The following LONRF1 variants were observed in gnomAD, a reference collection of about 807,000 sequenced individuals.
The protein encoded by LONRF1 is LON peptidase N-terminal domain and ring finger 1.
In LONRF1, 37 loss-of-function variants were observed where a neutral mutation model predicts 85.8. That is an observed-to-expected ratio of 0.43 (90% confidence interval 0.33 to 0.57). LONRF1 has a LOEUF of 0.57. LONRF1 is among the 20% of genes least tolerant of loss of function. The pLI is 0.04. For missense variants in LONRF1, 1,036 were observed against 978.0 expected, an observed-to-expected ratio of 1.06 and a Z score of -0.79; for synonymous variants, 517 against 390.1, an observed-to-expected ratio of 1.33 and a Z score of -3.83.
chr8:12,743,772 G>A (rs1799034956), intron 1 of LONRF1, among the ~76,000 whole-genome samples: 1 of 152,154 alleles, frequency 6.6e-6, no homozygotes, highest in Admixed American at 6.5e-5. Context: ...AGCATACACA[G>A]TAGTCTTGAT....
At chr8:12,729,858 A>G (rs1302253370) in intron 8 of LONRF1, among the ~76,000 whole-genome samples, 1 of 152,200 alleles carries the variant, frequency 6.6e-6, no homozygotes, top group Non-Finnish European at 1.5e-5. Flanking sequence ...TTAAAATGAT[A>G]TAACATTTTT....
intron 1 of LONRF1, among the ~76,000 whole-genome samples, chr8:12,747,653 G>A (rs890034422): frequency 1.3e-5 from 2 of 152,114 alleles, no homozygotes; most frequent in Admixed American, 1.3e-4. Flanking sequence ...AGAAATAAGG[G>A]ACAAAAAGTA....
At chr8:12,726,270 A>G (rs1253551641) in intron 10 of LONRF1, among the ~76,000 whole-genome samples, 1 of 152,224 alleles carries the variant, frequency 6.6e-6, no homozygotes, top group Non-Finnish European at 1.5e-5. Flanking sequence ...TAGTTGCTAC[A>G]AAAAAAGAAA....
chr8:12,728,499 G>T (rs1056245615), intron 10 of LONRF1, among the ~76,000 whole-genome samples: 1 of 152,128 alleles, frequency 6.6e-6, no homozygotes, highest in South Asian at 2.1e-4. Flanking sequence ...AATTCCATCG[G>T]CTTCAACTAC....
chr8:12,753,918 G>A (rs991570110), intron 1 of LONRF1: 2 of 152,278 alleles, frequency 1.3e-5, no homozygotes, highest in African/African-American at 2.4e-5. Flanking sequence ...TTTACCATAA[G>A]CTAGGTGCAC....
chr8:12,752,211 C>T (rs1483655591), intron 1 of LONRF1, among the ~76,000 whole-genome samples: 2 of 152,070 alleles, frequency 1.3e-5, no homozygotes, highest in East Asian at 1.9e-4. Flanking sequence ...TAACTACAAC[C>T]GTACAGTTAT....
chr8:12,748,631 A>G lies in LONRF1; in HGVS notation c.722-5349T>C, dbSNP rs537859274. ...TACATAAATTAAAAATAGCATCGTAATTTTAACAACCTCCATTTCTTCATT... is the reference window on the plus strand; with the variant it reads ...TACATAAATTAAAAATAGCATCGTAGTTTTAACAACCTCCATTTCTTCATT... On this transcript the variant is annotated intron_variant, in intron 1 of 11. Transcript: ENST00000398246. Among the ~76,000 whole-genome samples, 17 of 152,288 alleles carry G rather than the reference A, an allele frequency of 1.1e-4. No individual in the cohort carries two copies. The South Asian group carries it at 3.3e-3, about 30-fold the overall frequency.
chr8:12,748,640 A>G (rs181096806), intron 1 of LONRF1, among the ~76,000 whole-genome samples: 1 of 152,124 alleles, frequency 6.6e-6, no homozygotes, highest in East Asian at 1.9e-4. Flanking sequence ...AATTTTAACA[A>G]CCTCCATTTC....
chr8:12,723,352 C>A, intron 11 of LONRF1, 98 bp from the exon 12 acceptor site: 1 of 1,125,184 alleles, frequency 8.9e-7, no homozygotes, highest in Non-Finnish European at 1.3e-6. Context: ...AGCACTTGTA[C>A]TATGTGCCAG....
chr8:12,755,047 C>A lies in LONRF1; in HGVS notation c.374G>T (p.Gly125Val). The A allele has an allele frequency of 6.7e-7, 1 of 1,487,332 alleles. No individual in the cohort carries two copies. The highest frequency in any genetic ancestry group is 8.9e-7 in the Non-Finnish European group (1 of 1,125,276). The allele number at this position is 1,487,332 out of a possible 1,614,324, so 92.1% of individuals were successfully genotyped here. Reference sequence around the variant, plus strand: ...CGGCTCGCTCAGGAAGCCCCGGCAGCCCAGGCATCTGAGGAGCCCGCCGGC... The same window carrying A: ...CGGCTCGCTCAGGAAGCCCCGGCAGACCAGGCATCTGAGGAGCCCGCCGGC... ...GGAGGLLRCL[G>V]CRGFLSEPVT... Residue 125 changes from glycine (G) to valine (V), a missense_variant, in exon 1 of 12, where the codon GGC (glycine) becomes GTC (valine). Coordinates refer to ENST00000398246, the MANE Select transcript of LONRF1 (RefSeq NM_152271.5).
rs919799280 is a variant in LONRF1 at position 12,734,375 on chromosome 8, T to C, written c.1566+911A>G. 3.3e-5 allele frequency among the ~76,000 whole-genome samples: 5 copies of C among 152,308 alleles called. No homozygotes were observed. In the South Asian group the frequency reaches 1.0e-3, roughly 32 times the overall value. On this transcript the variant is annotated intron_variant, in intron 7 of 11. Transcript: ENST00000398246. ...GGAAATACTGTATGTATATTCATAATGGTTTTATGAATTTTTCAATTCATA... is the reference window on the plus strand; with the variant it reads ...GGAAATACTGTATGTATATTCATAACGGTTTTATGAATTTTTCAATTCATA...
chr8:12,723,380 C>T, intron 11 of LONRF1, 126 bp from the exon 12 acceptor site: 1 of 794,396 alleles, frequency 1.3e-6, no homozygotes, highest in Non-Finnish European at 2.0e-6. Context: ...CTCCAATGTC[C>T]TTAACAATTA....
rs1262792064 is a variant in LONRF1 at position 12,755,323 on chromosome 8, C to T, written c.98G>A (p.Gly33Asp). 7 of 1,254,260 alleles carry T rather than the reference C, an allele frequency of 5.6e-6. No individual in the cohort carries two copies. The highest frequency in any genetic ancestry group is 6.0e-6 in the Non-Finnish European group (6 of 995,002). 77.7% of individuals were successfully genotyped at this position (1,254,260 alleles called of 1,614,324 possible). Residue 33 changes from glycine to aspartate, a missense_variant, in exon 1 of 12, where the codon GGC becomes GAC. Physicochemically the swap from Gly to Asp is moderately conservative, Grantham distance 94. Coordinates refer to ENST00000398246, the MANE Select transcript of LONRF1 (RefSeq NM_152271.5). ...GRGRFWEVGG[G>D]SGHRLERAAA... ...CGCGCGCTCCAGCCGATGGCCGCTG[C>T]CGCCGCCCACTTCCCAGAACCGGCC...
intron 10 of LONRF1, among the ~76,000 whole-genome samples, chr8:12,728,416 G>A (rs1235336718): frequency 6.6e-6 from 1 of 152,182 alleles, no homozygotes; most frequent in Admixed American, 6.5e-5. Flanking sequence ...TTAGGCACAA[G>A]AACAATCTTA....
intron 11 of LONRF1, among the ~76,000 whole-genome samples, chr8:12,724,147 T>C (rs1361089235): frequency 6.6e-6 from 1 of 152,220 alleles, no homozygotes; most frequent in Non-Finnish European, 1.5e-5. Context: ...TTCATCTGCA[T>C]TCCACAGACA....
chr8:12,737,956 G>A, intron 4 of LONRF1, 39 bp downstream of exon 4: 2 of 1,564,588 alleles, frequency 1.3e-6, no homozygotes, highest in Non-Finnish European at 1.7e-6. Flanking sequence ...TAAAGAAATG[G>A]ATACGCTAAA....
intron 1 of LONRF1, among the ~76,000 whole-genome samples, chr8:12,748,430 C>A (rs770137777): frequency 3.4e-4 from 51 of 152,124 alleles, no homozygotes; most frequent in Non-Finnish European, 6.8e-4. Context: ...CTCTTGGGCT[C>A]AAGTGGTCCT....
chr8:12,746,303 G>A (rs1799150550), intron 1 of LONRF1, among the ~76,000 whole-genome samples: 1 of 152,092 alleles, frequency 6.6e-6, no homozygotes, highest in South Asian at 2.1e-4. Flanking sequence ...CATCTCTCCA[G>A]CCTTAATTAT....
chr8:12,754,917 A>G lies in LONRF1; in HGVS notation c.504T>C (p.Ser168=). The G allele has an allele frequency of 2.7e-6, 4 of 1,492,606 alleles. No homozygotes were observed. Among genetic ancestry groups the G allele is most frequent in the Non-Finnish European group, 3.6e-6 (4 of 1,125,288 alleles). 92.5% of individuals were successfully genotyped at this position (1,492,606 alleles called of 1,614,324 possible). ...GGGCGGTCCCTTCAGCATCAGTGGC[A>G]CTGGCGGTGGCGGGCGGCAGCCGGT... ...CRDRLPPATA[S]ATDAEGTAPR... Residue 168 remains serine, a synonymous_variant, in exon 1 of 12, where the codon AGT becomes AGC. Transcript: ENST00000398246.
Sources: allele counts gnomAD v4.1 joint callset (sites outside exome capture counted in the v4.1 genomes callset), GRCh38; gene constraint gnomAD v4.1.1; transcripts MANE v1.5; gene names NCBI Gene and HGNC (gene_info 2026-07-23, HGNC 2026-07-21).